Variants in VPS26A observed in about 807,000 individuals in gnomAD.
The protein encoded by VPS26A is vacuolar protein sorting-associated protein 26A.
In VPS26A, 22 loss-of-function variants were observed where a neutral mutation model predicts 42.4. That is an observed-to-expected ratio of 0.52 (90% confidence interval 0.37 to 0.74). VPS26A has a LOEUF of 0.74. Ranked by LOEUF, VPS26A falls within the 30% of genes least tolerant of loss-of-function variation. VPS26A has a pLI of 0.00. For missense variants in VPS26A, 276 were observed against 379.2 expected, an observed-to-expected ratio of 0.73 and a Z score of 2.26; for synonymous variants, 110 against 123.5, an observed-to-expected ratio of 0.89 and a Z score of 0.73.
At chr10:69,155,071 G>T (rs1213455260) in intron 2 of VPS26A, among the ~76,000 whole-genome samples, 1 of 152,028 alleles carries the variant, frequency 6.6e-6, no homozygotes, top group Non-Finnish European at 1.5e-5. Flanking sequence ...GATCATTTGA[G>T]CCCAAGAGGT....
intron 1 of VPS26A, among the ~76,000 whole-genome samples, chr10:69,128,164 G>T (rs567937821): frequency 1.3e-5 from 2 of 151,180 alleles, no homozygotes; most frequent in South Asian, 4.2e-4. Context: ...AAATGAACTT[G>T]GTTTATACCA....
intron 1 of VPS26A, among the ~76,000 whole-genome samples, chr10:69,129,813 G>A (rs1021728783): frequency 3.9e-5 from 6 of 152,156 alleles, no homozygotes; most frequent in African/African-American, 7.2e-5. Context: ...GTGAGCTACC[G>A]CGCCTGGCCC....
chr10:69,171,243 G>C lies in VPS26A; in HGVS notation c.958G>C (p.Ala320Pro), dbSNP rs1221924576. The stretch of plus-strand genomic sequence containing the variant: ...GCGATTTGAATCTCCAGAATCACAG[G>C]CATCTGCCGAACAGCCTGAAATGTG... ...HQRFESPESQASAEQPEM is the reference protein window; with the variant it reads ...HQRFESPESQPSAEQPEM The change falls in exon 9 of 9, where the codon GCA (alanine) becomes CCA (proline). Residue 320 changes from alanine to proline, a missense_variant. Physicochemically the swap from Ala to Pro is conservative, Grantham distance 27 (BLOSUM62 -1). Transcript: ENST00000263559. 15 of 1,613,628 alleles carry C rather than the reference G, an allele frequency of 9.3e-6. No individual in the cohort carries two copies. The highest frequency in any genetic ancestry group is 1.3e-5 in the Non-Finnish European group (15 of 1,179,932).
intron 2 of VPS26A, among the ~76,000 whole-genome samples, chr10:69,153,213 C>T (rs1409440891): frequency 7.9e-5 from 12 of 151,806 alleles, no homozygotes; most frequent in Admixed American, 7.9e-4. Flanking sequence ...CCACGTCCAG[C>T]TAATTTTCGT....
chr10:69,156,008 A>C, intron 3 of VPS26A, 121 bp downstream of exon 3: 2 of 711,660 alleles, frequency 2.8e-6, no homozygotes, highest in Non-Finnish European at 4.6e-6. Context: ...TTGATTTTGC[A>C]TAATAAAAGA....
intron 1 of VPS26A, among the ~76,000 whole-genome samples, chr10:69,131,994 T>C (rs1840789845): frequency 6.6e-6 from 1 of 152,248 alleles, no homozygotes; most frequent in Admixed American, 6.5e-5. Flanking sequence ...ACAAGGCTTG[T>C]AGATTTTCTT....
intron 2 of VPS26A, among the ~76,000 whole-genome samples, chr10:69,146,885 A>G (rs1178402029): frequency 2.0e-5 from 3 of 152,176 alleles, no homozygotes; most frequent in Admixed American, 6.5e-5. Context: ...TACTGCTGTG[A>G]ACATTCATGT....
chr10:69,163,571 A>C (rs1841610164), intron 6 of VPS26A, among the ~76,000 whole-genome samples: 1 of 152,180 alleles, frequency 6.6e-6, no homozygotes, highest in Admixed American at 6.5e-5. Context: ...TTTGATGGGT[A>C]AGGGGGAGAT....
In VPS26A at chr10:69,149,889, G is replaced by A. The variant is rs559149194; in HGVS notation, c.154-5923G>A. ...AGCTTCCTGAGTAGCTGGAACAGGC[G>A]CGTGCCATCACGCCCTACTAATTTT... On this transcript the variant is annotated intron_variant, in intron 2 of 8. Transcript: ENST00000263559. 8.6e-5 allele frequency among the ~76,000 whole-genome samples: 13 copies of A among 151,188 alleles called. No homozygotes were observed. The East Asian group carries it at 1.8e-3, about 20-fold the overall frequency.
chr10:69,133,139 T>C, intron 2 of VPS26A, 92 bp downstream of exon 2: 2 of 1,330,854 alleles, frequency 1.5e-6, no homozygotes, highest in Non-Finnish European at 2.0e-6. Flanking sequence ...TTGAATAATT[T>C]TATGAGGGAG....
intron 2 of VPS26A, among the ~76,000 whole-genome samples, chr10:69,143,352 A>G (rs1203067305): frequency 6.6e-6 from 1 of 152,182 alleles, no homozygotes; most frequent in South Asian, 2.1e-4. Flanking sequence ...TTGGCTTTGC[A>G]CTGTAGGATG....
chr10:69,163,959 G>T, intron 6 of VPS26A, among the ~76,000 whole-genome samples: 1 of 151,154 alleles, frequency 6.6e-6, no homozygotes, highest in East Asian at 1.9e-4. Flanking sequence ...AGTAGAGACG[G>T]GGTTTCACCG....
At chr10:69,127,727 C>CT (rs572346560) in intron 1 of VPS26A, among the ~76,000 whole-genome samples, 3,040 of 84,972 alleles carry the variant, frequency 0.036, 187 homozygotes, top group African/African-American at 0.082. Context: ...TTAAAAATAT[C>CT]TTTTTTTTTT....
Position 69,168,611 on chromosome 10 carries a change from C to A in VPS26A, c.850C>A (p.Arg284=). 1 of 1,613,594 alleles carries A rather than the reference C, an allele frequency of 6.2e-7. No homozygotes were observed. Among genetic ancestry groups the A allele is most frequent in the Non-Finnish European group, 8.5e-7 (1 of 1,179,846 alleles). The change falls in exon 8 of 9, where the codon CGG becomes AGG. Residue 284 remains arginine (R), a synonymous_variant. Coordinates refer to ENST00000263559, the MANE Select transcript of VPS26A (RefSeq NM_004896.5). ...TTTAGTGCTTGTTGATGAGGAAGACCGGAGGTACTTCAAACAGCAGGTATG... is the reference window on the plus strand; with the variant it reads ...TTTAGTGCTTGTTGATGAGGAAGACAGGAGGTACTTCAAACAGCAGGTATG... The part of the protein sequence containing the change: ...LNLVLVDEED[R]RYFKQQEIIL...
At chr10:69,151,378 G>A (rs1841313057) in intron 2 of VPS26A, among the ~76,000 whole-genome samples, 1 of 150,802 alleles carries the variant, frequency 6.6e-6, no homozygotes, top group South Asian at 2.1e-4. Flanking sequence ...CTTGAACTGG[G>A]GAGGCAGAGG....
intron 2 of VPS26A, among the ~76,000 whole-genome samples, chr10:69,144,831 T>C (rs914682694): frequency 3.9e-5 from 6 of 152,082 alleles, no homozygotes; most frequent in Non-Finnish European, 5.9e-5. Context: ...ATCATAAATA[T>C]CTTCTCCTAA....
chr10:69,151,178 C>G (rs187695606), intron 2 of VPS26A, among the ~76,000 whole-genome samples: 1 of 149,352 alleles, frequency 6.7e-6, no homozygotes, highest in African/African-American at 2.5e-5. Flanking sequence ...GTCAGGAGAA[C>G]GGTGTGAACC....
At position 69,172,400 on chromosome 10, in the gene VPS26A, A is replaced by C. The variant is rs1841835906; in HGVS notation, c.*1131A>C. 1 of 152,294 alleles carries C rather than the reference A, an allele frequency of 6.6e-6. No homozygotes were observed. Among genetic ancestry groups the C allele is most frequent in the Admixed American group, 6.5e-5 (1 of 15,288 alleles). 9.4% of individuals were successfully genotyped at this position (152,294 alleles called of 1,614,324 possible). A position where few individuals can be genotyped will look rare whatever the true frequency, so the allele number is the denominator to read the frequency against. ...TGGGGTCTGATCGCAAATACACTAA[A>C]TGTGGAGTGTAGGAACCAAAATGAA... On this transcript the variant is annotated 3_prime_UTR_variant, in exon 9 of 9. Transcript: ENST00000263559.
intron 7 of VPS26A, among the ~76,000 whole-genome samples, chr10:69,166,898 G>A (rs1366725476): frequency 2.0e-5 from 3 of 152,004 alleles, no homozygotes; most frequent in Non-Finnish European, 4.4e-5. Flanking sequence ...AGGCTGAGGT[G>A]GGCAGATCAC....
Sources: gnomAD v4.1 joint callset for allele counts (sites outside exome capture counted in the v4.1 genomes callset) on GRCh38, gnomAD v4.1.1 for gene constraint, MANE v1.5 for transcripts, NCBI Gene and HGNC (gene_info 2026-07-23, HGNC 2026-07-21) for gene names.